The following TBX4 variants were observed in gnomAD, a reference collection of about 807,000 sequenced individuals.
TBX4 encodes T-box transcription factor 4.
Under a neutral mutation model 54.6 loss-of-function variants are expected in TBX4, and 13 were observed. The ratio of observed to expected loss-of-function variants is 0.24; its 90% CI spans 0.15 to 0.38. The LOEUF (loss-of-function observed/expected upper bound fraction) is 0.38. Among genes scored for constraint, TBX4 ranks in the 10% least tolerant of loss-of-function variants. The pLI is 1.00. For missense variants in TBX4, 631 were observed against 728.5 expected, an observed-to-expected ratio of 0.87 and a Z score of 1.54; for synonymous variants, 314 against 306.7, an observed-to-expected ratio of 1.02 and a Z score of -0.25.
rs541922765 is a variant in TBX4, at chr17:61,453,721, T to C, written c.-4+1144T>C. 5.3e-5 allele frequency among the ~76,000 whole-genome samples: 8 copies of C among 152,326 alleles called. No individual in the cohort carries two copies. The South Asian group carries it at 1.4e-3, about 28-fold the overall frequency. ...TTCAGATCTGTAACATTACAAATAATGACAAAGTAACAAGATACTGTCGGG... is the reference window on the plus strand; with the variant it reads ...TTCAGATCTGTAACATTACAAATAACGACAAAGTAACAAGATACTGTCGGG... On this transcript the variant is annotated intron_variant, in intron 1 of 8. Coordinates refer to ENST00000644296, the MANE Select transcript of TBX4 (RefSeq NM_001321120.2).
At chr17:61,467,352 C>G (rs747395398) in intron 4 of TBX4, among the ~76,000 whole-genome samples, 158 bp from the exon 5 acceptor site, 7 of 152,160 alleles carry the variant, frequency 4.6e-5, no homozygotes, top group African/African-American at 7.2e-5. Flanking sequence ...CTCCTCTGAA[C>G]CTCACACTCC....
chr17:61,455,692 A>G (rs1296473895), intron 1 of TBX4, among the ~76,000 whole-genome samples: 1 of 152,210 alleles, frequency 6.6e-6, no homozygotes, highest in African/African-American at 2.4e-5. Context: ...CTGTGGCGCT[A>G]AAGTGTGCCT....
rs1183056045 is a variant in TBX4, at chr17:61,461,428, C to A, written c.281+3797C>A. ...CTTGGATGCTGGGCCCTGGCCTCTTCCCCGTACACCCAGGATTCCTCCTGA... is the reference window on the plus strand; with the variant it reads ...CTTGGATGCTGGGCCCTGGCCTCTTACCCGTACACCCAGGATTCCTCCTGA... On this transcript the variant is annotated intron_variant, in intron 3 of 8. Coordinates refer to ENST00000644296, the MANE Select transcript of TBX4 (RefSeq NM_001321120.2). The surrounding 1 kb of genome is among the most constrained non-coding windows in gnomAD (Gnocchi z 5.1). Among the ~76,000 whole-genome samples, 1 of 152,146 alleles carries A rather than the reference C, an allele frequency of 6.6e-6. No individual in the cohort carries two copies. Among genetic ancestry groups the A allele is most frequent in the Non-Finnish European group, 1.5e-5 (1 of 68,036 alleles).
rs1026838967 is a variant in TBX4 at position 61,478,466 on chromosome 17, C to A, written c.550-161C>A. 1 of 921,740 alleles carries A rather than the reference C, an allele frequency of 1.1e-6. No homozygotes were observed. The highest frequency in any genetic ancestry group is 1.7e-5 in the African/African-American group (1 of 60,558). The allele number at this position is 921,740 out of a possible 1,614,324, so 57.1% of individuals were successfully genotyped here. On this transcript the variant is annotated intron_variant, in intron 5 of 8. Coordinates refer to ENST00000644296, the MANE Select transcript of TBX4 (RefSeq NM_001321120.2). The surrounding 1 kb of genome is among the most constrained non-coding windows in gnomAD (Gnocchi z 7.4). ...GTGGGGAGAGTTTGGGGCCCAGGGGCCTGGTTCTTCACTTGGGAGCTCCAG... is the reference window on the plus strand; with the variant it reads ...GTGGGGAGAGTTTGGGGCCCAGGGGACTGGTTCTTCACTTGGGAGCTCCAG...
At chr17:61,458,745 A>C (rs189240056) in intron 3 of TBX4, among the ~76,000 whole-genome samples, 4 of 152,364 alleles carry the variant, frequency 2.6e-5, no homozygotes, top group Admixed American at 6.5e-5. Context: ...GTCACATGCA[A>C]GCACACAAGA....
In TBX4 at chr17:61,456,640, C is replaced by T. The variant is rs763175971; in HGVS notation, c.150C>T (p.Pro50=). Residue 50 remains proline (P), a synonymous_variant, in exon 2 of 9, where the codon CCC becomes CCT. Transcript: ENST00000644296. ...CCGCGCTAGGCAGCCCCCCGGGACC[C>T]GGGGCCGACGTCGTCGCCGCCGCCG... ...SGAALGSPPG[P]GADVVAAAAA... 6.3e-5 allele frequency: 85 copies of T among 1,350,676 alleles called. No individual in the cohort carries two copies. The Middle Eastern group carries it at 1.4e-3, about 22-fold the overall frequency. 83.7% of individuals were successfully genotyped at this position (1,350,676 alleles called of 1,614,324 possible). A position where few individuals can be genotyped will look rare whatever the true frequency, so the allele number is the denominator to read the frequency against.
At chr17:61,454,961 G>C (rs748413940) in intron 1 of TBX4, among the ~76,000 whole-genome samples, 2 of 152,202 alleles carry the variant, frequency 1.3e-5, no homozygotes, top group Non-Finnish European at 2.9e-5. Context: ...GGCCGGAGCG[G>C]GCAGCTACCC....
chr17:61,461,167 A>T lies in TBX4; in HGVS notation c.281+3536A>T, dbSNP rs923594445. On this transcript the variant is annotated intron_variant, in intron 3 of 8. Coordinates refer to ENST00000644296, the MANE Select transcript of TBX4 (RefSeq NM_001321120.2). This position sits in a 1 kb window ranked among gnomAD's most constrained non-coding sequence, Gnocchi z 5.1. Reference sequence around the variant, plus strand: ...GTGCCTTTAAAAAAAATCTAAGAGAAGCAACCGATCTTCCAAAACAACATC... The same window carrying T: ...GTGCCTTTAAAAAAAATCTAAGAGATGCAACCGATCTTCCAAAACAACATC... Among the ~76,000 whole-genome samples the T allele has an allele frequency of 7.2e-5, 11 of 152,244 alleles. No individual in the cohort carries two copies. The highest frequency in any genetic ancestry group is 1.6e-4 in the Non-Finnish European group (11 of 68,042).
At chr17:61,466,948 G>C (rs1409378606) in intron 4 of TBX4, among the ~76,000 whole-genome samples, 1 of 152,184 alleles carries the variant, frequency 6.6e-6, no homozygotes, top group African/African-American at 2.4e-5. Flanking sequence ...TTGAAGGTCA[G>C]GAGTTTGAGA....
At chr17:61,473,181 T>C (rs1371889398) in intron 5 of TBX4, among the ~76,000 whole-genome samples, 1 of 152,236 alleles carries the variant, frequency 6.6e-6, no homozygotes, top group Admixed American at 6.5e-5. Flanking sequence ...CGTATTCAGG[T>C]TTCCTTGAAA....
At chr17:61,453,253 T>C (rs933890057) in intron 1 of TBX4, among the ~76,000 whole-genome samples, 32 of 152,208 alleles carry the variant, frequency 2.1e-4, no homozygotes, top group Non-Finnish European at 3.7e-4. Flanking sequence ...AGAGGAACAA[T>C]GTAAGGACTG....
Position 61,480,436 on chromosome 17 carries a change from G to T in TBX4, c.1021+117G>T, listed in dbSNP as rs924992189. ...ACACACACTCATCTCGTGCTTGTGT[G>T]GCCTGGGAGAGTGGGCCTGAAGGGT... is the stretch of plus-strand genomic sequence containing the variant. On this transcript the variant is annotated intron_variant, in intron 8 of 8. Transcript: ENST00000644296. The surrounding 1 kb of genome is among the most constrained non-coding windows in gnomAD (Gnocchi z 6.2). 6 of 974,378 alleles carry T rather than the reference G, an allele frequency of 6.2e-6. No homozygotes were observed. The highest frequency in any genetic ancestry group is 7.9e-6 in the Non-Finnish European group (5 of 636,746). The allele number at this position is 974,378 out of a possible 1,614,324, so 60.4% of individuals were successfully genotyped here. A position where few individuals can be genotyped will look rare whatever the true frequency, so the allele number is the denominator to read the frequency against.
In TBX4 at chr17:61,474,171, A is replaced by G. The variant is rs1217785649; in HGVS notation, c.550-4456A>G. On this transcript the variant is annotated intron_variant, in intron 5 of 8. Transcript: ENST00000644296. The surrounding 1 kb of genome is among the most constrained non-coding windows in gnomAD (Gnocchi z 4.6). Reference sequence around the variant, plus strand: ...GGTAGTCACAGAAAATAAAATTATGATGCAGGGTAAATCTGGTTTTAGTAT... The same window carrying G: ...GGTAGTCACAGAAAATAAAATTATGGTGCAGGGTAAATCTGGTTTTAGTAT... Among the ~76,000 whole-genome samples the G allele has an allele frequency of 6.6e-6, 1 of 152,198 alleles. No individual in the cohort carries two copies. Among genetic ancestry groups the G allele is most frequent in the East Asian group, 1.9e-4 (1 of 5,204 alleles).
Position 61,483,601 on chromosome 17 carries a change from G to A in TBX4, c.*85G>A, listed in dbSNP as rs1298970019. ...GGCCTGCACTCTACCAAGAAACACAGGAAGGTATTCCAGTGTGTGTGTGTG... is the reference window on the plus strand; with the variant it reads ...GGCCTGCACTCTACCAAGAAACACAAGAAGGTATTCCAGTGTGTGTGTGTG... On this transcript the variant is annotated 3_prime_UTR_variant, in exon 9 of 9. Transcript: ENST00000644296. The surrounding 1 kb of genome is among the most constrained non-coding windows in gnomAD (Gnocchi z 6.6). 11 of 1,360,878 alleles carry A rather than the reference G, an allele frequency of 8.1e-6. No individual in the cohort carries two copies. The South Asian group carries it at 1.2e-4, about 14-fold the overall frequency. 84.3% of individuals were successfully genotyped at this position (1,360,878 alleles called of 1,614,324 possible).
At position 61,472,441 on chromosome 17, in the gene TBX4, C is replaced by T. The variant is rs113809973; in HGVS notation, c.549+4784C>T. The stretch of plus-strand genomic sequence containing the variant: ...TTCTTTTAATAAATTTCCTCTCCTG[C>T]GAACTGCTGTTCTCATCCTTTGCTC... On this transcript the variant is annotated intron_variant, in intron 5 of 8. Transcript: ENST00000644296. The surrounding 1 kb of genome is among the most constrained non-coding windows in gnomAD (Gnocchi z 4.5). Among the ~76,000 whole-genome samples the T allele has an allele frequency of 2.0e-4, 30 of 152,270 alleles. 1 individual carries two copies. The East Asian group carries it at 4.8e-3, about 24-fold the overall frequency.
Position 61,459,129 on chromosome 17 carries a change from A to C in TBX4, c.281+1498A>C, listed in dbSNP as rs1046861022. On this transcript the variant is annotated intron_variant, in intron 3 of 8. Transcript: ENST00000644296. The surrounding 1 kb of genome is among the most constrained non-coding windows in gnomAD (Gnocchi z 4.8). The stretch of plus-strand genomic sequence containing the variant: ...GGATGGAGATAGGGAAGGAAGACAC[A>C]TGAAGGGGCTGGCAGAGGGTGCGAC... Among the ~76,000 whole-genome samples the C allele has an allele frequency of 6.6e-6, 1 of 152,254 alleles. No homozygotes were observed. Among genetic ancestry groups the C allele is most frequent in the African/African-American group, 2.4e-5 (1 of 41,476 alleles).
At chr17:61,463,456 G>A (rs1190060683) in intron 3 of TBX4, 1 of 152,338 alleles carries the variant, frequency 6.6e-6, no homozygotes, top group African/African-American at 2.4e-5. Flanking sequence ...CAGGGGCCAG[G>A]TCCCAAGACA....
rs1390270472 is a variant in TBX4 at position 61,480,378 on chromosome 17, G to GA, written c.1021+62dup. On this transcript the variant is annotated intron_variant, in intron 8 of 8. Transcript: ENST00000644296. This position sits in a 1 kb window ranked among gnomAD's most constrained non-coding sequence, Gnocchi z 6.2. ...TAAGAGGAGCGGTGAGGTTCTCCCC[G>GA]AAACCACTCTGCAGCGCCCCCCCCC... 11 of 1,364,342 alleles carry GA rather than the reference G, an allele frequency of 8.1e-6. No individual in the cohort carries two copies. Among genetic ancestry groups the GA allele is most frequent in the Non-Finnish European group, 1.0e-5 (10 of 990,104 alleles). 84.5% of individuals were successfully genotyped at this position (1,364,342 alleles called of 1,614,324 possible).
In TBX4 at chr17:61,465,362, G is replaced by A. The variant is rs2060527563; in HGVS notation, c.282-457G>A. On this transcript the variant is annotated intron_variant, in intron 3 of 8. Coordinates refer to ENST00000644296, the MANE Select transcript of TBX4 (RefSeq NM_001321120.2). This position sits in a 1 kb window ranked among gnomAD's most constrained non-coding sequence, Gnocchi z 4.9. ...TCATTATTTATGGAAGCAGCTGACG[G>A]GGGTTTCCGTCCCCCTATAACTGCA... 6.6e-6 allele frequency among the ~76,000 whole-genome samples: 1 copy of A among 152,226 alleles called. No homozygotes were observed. The highest frequency in any genetic ancestry group is 2.4e-5 in the African/African-American group (1 of 41,454).
Sources: allele counts gnomAD v4.1 joint callset (sites outside exome capture counted in the v4.1 genomes callset), GRCh38; gene constraint gnomAD v4.1.1; non-coding constraint Gnocchi (gnomAD v3.1); transcripts MANE v1.5; gene names NCBI Gene and HGNC (gene_info 2026-07-23, HGNC 2026-07-21).